CSMD3: variants seen among roughly 807,000 people sequenced by gnomAD.
CSMD3 encodes CUB and Sushi multiple domains 3.
Under a neutral mutation model 435.2 loss-of-function variants are expected in CSMD3, and 177 were observed. That is an observed-to-expected ratio of 0.41 (90% CI 0.36 to 0.46). The LOEUF is 0.46. Among genes scored for constraint, CSMD3 ranks in the 20% least tolerant of loss-of-function variants. CSMD3 has a pLI of 0.34. For synonymous variants in CSMD3, 1,656 were observed against 1,520.5 expected (o/e 1.09, Z -2.07); for missense variants, 4,265 against 4,504.6 (o/e 0.95, Z 1.52).
At chr8:113,264,560 A>G (rs1412338100) in intron 3 of CSMD3, among the ~76,000 whole-genome samples, 1 of 151,506 alleles carries the variant, frequency 6.6e-6, no homozygotes, top group Non-Finnish European at 1.5e-5. Context: ...TAACTTAAGC[A>G]ATTTTTCATT....
rs187112868 is a variant in CSMD3, at chr8:113,112,145, C to T, written c.710-13182G>A. Reference sequence around the variant, plus strand: ...TAATCTTTTGGGGTTTACATTTTTTCGCTCAGCTGGAGATCTCTCCAAGTT... The same window carrying T: ...TAATCTTTTGGGGTTTACATTTTTTTGCTCAGCTGGAGATCTCTCCAAGTT... On this transcript the variant is annotated intron_variant, in intron 4 of 70. Coordinates refer to ENST00000297405, the MANE Select transcript of CSMD3 (RefSeq NM_198123.2). Among the ~76,000 whole-genome samples, 1,043 of 151,640 alleles carry T rather than the reference C, an allele frequency of 6.9e-3. 13 individuals carry two copies. Among genetic ancestry groups the T allele is most frequent in the African/African-American group, 0.024 (972 of 41,280 alleles).
chr8:113,326,409 T>C (rs2093984220), intron 1 of CSMD3, among the ~76,000 whole-genome samples: 1 of 151,954 alleles, frequency 6.6e-6, no homozygotes, highest in Non-Finnish European at 1.5e-5. Context: ...AATAATAACA[T>C]AGTTTTTTTT....
At chr8:113,397,476 T>A (rs571728276) in intron 1 of CSMD3, among the ~76,000 whole-genome samples, 1 of 152,180 alleles carries the variant, frequency 6.6e-6, no homozygotes, top group East Asian at 1.9e-4. Context: ...ATTTAATATA[T>A]GTTATATTTT....
At chr8:112,956,135 T>C (rs948328625) in intron 7 of CSMD3, among the ~76,000 whole-genome samples, 4 of 151,998 alleles carry the variant, frequency 2.6e-5, no homozygotes, top group East Asian at 3.8e-4. Context: ...AGTTGTGGGA[T>C]TTTGGACAAG....
chr8:113,272,873 T>C (rs1365394035), intron 3 of CSMD3, among the ~76,000 whole-genome samples: 1 of 152,082 alleles, frequency 6.6e-6, no homozygotes, highest in Non-Finnish European at 1.5e-5. Context: ...GAAGGAGGAA[T>C]AAACAGGGGT....
At chr8:113,381,041 A>G (rs895454338) in intron 1 of CSMD3, among the ~76,000 whole-genome samples, 1 of 152,216 alleles carries the variant, frequency 6.6e-6, no homozygotes, top group African/African-American at 2.4e-5. Context: ...GTCTCCATAT[A>G]TAAATGCCAA....
At chr8:113,413,937 GA>G (rs1357707913) in intron 1 of CSMD3, among the ~76,000 whole-genome samples, 1 of 152,148 alleles carries the variant, frequency 6.6e-6, no homozygotes, top group Non-Finnish European at 1.5e-5. Context: ...AAAGGAGAAT[GA>G]AAATGATTTT....
At chr8:112,561,949 G>A (rs879899177) in intron 24 of CSMD3, among the ~76,000 whole-genome samples, 3 of 151,376 alleles carry the variant, frequency 2.0e-5, no homozygotes, top group Non-Finnish European at 4.4e-5. Context: ...GTATTCCGTT[G>A]GTGACATATT....
At chr8:113,186,987 A>T (rs1407125228) in intron 3 of CSMD3, among the ~76,000 whole-genome samples, 3 of 151,694 alleles carry the variant, frequency 2.0e-5, no homozygotes, top group Admixed American at 1.3e-4. Flanking sequence ...CCCATTGGGG[A>T]TTTTCAATTA....
chr8:113,359,964 T>A (rs1477459692), intron 1 of CSMD3, among the ~76,000 whole-genome samples: 1 of 152,176 alleles, frequency 6.6e-6, no homozygotes. Context: ...CTGTGGGGAA[T>A]GAAGTTCTGA....
intron 35 of CSMD3, among the ~76,000 whole-genome samples, chr8:112,402,556 G>T (rs528710430): frequency 2.6e-5 from 4 of 152,188 alleles, no homozygotes; most frequent in Middle Eastern, 3.5e-3. Flanking sequence ...TAGATTATAT[G>T]AAACTAAATG....
At chr8:112,661,048 AT>A (rs1243482977) in intron 17 of CSMD3, among the ~76,000 whole-genome samples, 1 of 152,160 alleles carries the variant, frequency 6.6e-6, no homozygotes, top group Non-Finnish European at 1.5e-5. Flanking sequence ...AAGACTGATT[AT>A]TGTTCCTGTG....
rs1822622767 is a variant in CSMD3, at chr8:112,317,920, G to T, written c.7360+917C>A. Among the ~76,000 whole-genome samples the T allele has an allele frequency of 3.3e-5, 5 of 152,136 alleles. No homozygotes were observed. The South Asian group carries it at 8.3e-4, about 25-fold the overall frequency. On this transcript the variant is annotated intron_variant, in intron 47 of 70. Coordinates refer to ENST00000297405, the MANE Select transcript of CSMD3 (RefSeq NM_198123.2). ...GGAATTAATCCAAAAAAGCTAGAAA[G>T]AATAATAAAATACAACTCAATTGTA...
chr8:112,810,314 C>T (rs2079190156), intron 12 of CSMD3, among the ~76,000 whole-genome samples: 1 of 152,120 alleles, frequency 6.6e-6, no homozygotes, highest in East Asian at 1.9e-4. Flanking sequence ...TTCACACATA[C>T]AGGCACACAC....
At position 112,766,425 on chromosome 8, in the gene CSMD3, T is replaced by G. The variant is rs189641524; in HGVS notation, c.1972+33737A>C. ...ATAATTTGCTGTGTCTTTCTTTATTTTTATATTTTCTAAGCACTTGAATTT... is the reference window on the plus strand; with the variant it reads ...ATAATTTGCTGTGTCTTTCTTTATTGTTATATTTTCTAAGCACTTGAATTT... On this transcript the variant is annotated intron_variant, in intron 13 of 70. Coordinates refer to ENST00000297405, the MANE Select transcript of CSMD3 (RefSeq NM_198123.2). Among the ~76,000 whole-genome samples, 202 of 151,876 alleles carry G rather than the reference T, an allele frequency of 1.3e-3. 1 individual carries two copies. The highest frequency in any genetic ancestry group is 4.7e-3 in the African/African-American group (194 of 41,496).
At chr8:113,324,347 C>A (rs1319264780) in intron 1 of CSMD3, among the ~76,000 whole-genome samples, 1 of 152,080 alleles carries the variant, frequency 6.6e-6, no homozygotes, top group Non-Finnish European at 1.5e-5. Flanking sequence ...ATGGGCTAGG[C>A]CTAGGGTCTC....
intron 7 of CSMD3, among the ~76,000 whole-genome samples, chr8:112,964,400 A>G (rs1235556475): frequency 6.6e-6 from 1 of 151,968 alleles, no homozygotes; most frequent in Non-Finnish European, 1.5e-5. Flanking sequence ...GTTTACCTTC[A>G]TAAGGCACAA....
Position 112,699,949 on chromosome 8 carries a change from AACAT to A in CSMD3, c.1973-9903_1973-9900del, listed in dbSNP as rs1415511390. Among the ~76,000 whole-genome samples the A allele has an allele frequency of 1.1e-4, 16 of 152,168 alleles. 1 individual carries two copies. In the East Asian group the frequency reaches 2.5e-3, roughly 24 times the overall value. On this transcript the variant is annotated intron_variant, in intron 13 of 70. Coordinates refer to ENST00000297405, the MANE Select transcript of CSMD3 (RefSeq NM_198123.2). ...TGGGTTGAATCCTGGACAAGAAAAA[AACAT>A]ACACGTGTGTGTGTGTGCGTGCGTG...
chr8:112,881,921 T>G (rs2130212284), intron 10 of CSMD3, among the ~76,000 whole-genome samples: 1 of 152,066 alleles, frequency 6.6e-6, no homozygotes, highest in Non-Finnish European at 1.5e-5. Context: ...TAAAAAATAT[T>G]ATTGATTAAT....
Sources: gnomAD v4.1 joint callset for allele counts (sites outside exome capture counted in the v4.1 genomes callset) on GRCh38, gnomAD v4.1.1 for gene constraint, MANE v1.5 for transcripts, NCBI Gene and HGNC (gene_info 2026-07-23, HGNC 2026-07-21) for gene names.